Variants in XPR1 observed in about 807,000 individuals in gnomAD.
XPR1 encodes the protein xenotropic and polytropic retrovirus receptor 1, also known as solute carrier family 53 member 1.
In XPR1, 28 loss-of-function variants were observed where a neutral mutation model predicts 87.5. That is an observed-to-expected ratio of 0.32 (90% confidence interval 0.24 to 0.44). The LOEUF is 0.44. Ranked by LOEUF, XPR1 falls within the 20% of genes least tolerant of loss-of-function variation. The probability of loss-of-function intolerance (pLI) is 1.00; values close to 1 mark genes in which losing one functional copy is unlikely to be tolerated. For missense variants in XPR1, 559 were observed against 862.3 expected, an observed-to-expected ratio of 0.65 and a Z score of 4.41; for synonymous variants, 300 against 306.1, an observed-to-expected ratio of 0.98 and a Z score of 0.21.
intron 9 of XPR1, among the ~76,000 whole-genome samples, chr1:180,834,386 A>G (rs1361864101): frequency 6.6e-6 from 1 of 152,206 alleles, no homozygotes; most frequent in Non-Finnish European, 1.5e-5. Context: ...CCCTGTAATA[A>G]ATTTTTAAAG....
chr1:180,706,707 G>C (rs1657570019), intron 2 of XPR1, among the ~76,000 whole-genome samples: 1 of 151,974 alleles, frequency 6.6e-6, no homozygotes, highest in South Asian at 2.1e-4. Flanking sequence ...CGCCTTCCGA[G>C]TTCAAGCAAT....
intron 2 of XPR1, among the ~76,000 whole-genome samples, chr1:180,689,718 G>A (rs1656915293): frequency 6.6e-6 from 1 of 152,112 alleles, no homozygotes; most frequent in Admixed American, 6.6e-5. Flanking sequence ...TAATAATAAT[G>A]TATCATTATT....
At position 180,884,068 on chromosome 1, in the gene XPR1, T is replaced by A. The variant is rs1203976905; in HGVS notation, c.*2T>A. On this transcript the variant is annotated 3_prime_UTR_variant, in exon 15 of 15. Coordinates refer to ENST00000367590, the MANE Select transcript of XPR1 (RefSeq NM_004736.4). ...ACAGATGATGAAGCTAACACTTGAA[T>A]TTTCTGAAGTCTAGCTTAACATCTT... 6.2e-7 allele frequency: 1 copy of A among 1,613,742 alleles called. No individual in the cohort carries two copies. The highest frequency in any genetic ancestry group is 1.7e-5 in the Admixed American group (1 of 59,978).
chr1:180,649,363 G>A (rs368082226), intron 1 of XPR1, among the ~76,000 whole-genome samples: 6 of 152,196 alleles, frequency 3.9e-5, no homozygotes, highest in South Asian at 4.1e-4. Flanking sequence ...ACCCGGAGGC[G>A]GAGCTTGCAG....
At position 180,664,143 on chromosome 1, in the gene XPR1, T is replaced by G. The variant is rs563126822; in HGVS notation, c.70-18217T>G. On this transcript the variant is annotated intron_variant, in intron 1 of 14. Transcript: ENST00000367590. ...GTGCTCTTTCCTACTGTCGATGAGCTGGTACCTAAGCTCAAGACAAAGTTC... is the reference window on the plus strand; with the variant it reads ...GTGCTCTTTCCTACTGTCGATGAGCGGGTACCTAAGCTCAAGACAAAGTTC... Among the ~76,000 whole-genome samples the G allele has an allele frequency of 3.9e-5, 6 of 152,292 alleles. No individual in the cohort carries two copies. In the East Asian group the frequency reaches 1.2e-3, roughly 30 times the overall value.
chr1:180,672,865 T>G (rs1420995343), intron 1 of XPR1, among the ~76,000 whole-genome samples: 1 of 152,200 alleles, frequency 6.6e-6, no homozygotes, highest in Non-Finnish European at 1.5e-5. Flanking sequence ...TGTAATTTTA[T>G]TCAGTTGTGA....
chr1:180,690,364 A>G (rs1283472102), intron 2 of XPR1, among the ~76,000 whole-genome samples: 2 of 152,150 alleles, frequency 1.3e-5, no homozygotes, highest in Non-Finnish European at 2.9e-5. Context: ...ACTCTCATGG[A>G]GAGTCTTTTG....
intron 2 of XPR1, among the ~76,000 whole-genome samples, chr1:180,775,668 G>C (rs1254411688): frequency 6.6e-6 from 1 of 151,946 alleles, no homozygotes; most frequent in Non-Finnish European, 1.5e-5. Context: ...TATACTTTGT[G>C]GTATATAAAG....
At chr1:180,766,038 A>G (rs1200141835) in intron 2 of XPR1, among the ~76,000 whole-genome samples, 1 of 152,180 alleles carries the variant, frequency 6.6e-6, no homozygotes, top group Non-Finnish European at 1.5e-5. Flanking sequence ...CTTATAAGTT[A>G]TCATTAATGG....
At chr1:180,845,112 A>T (rs1028038157) in intron 11 of XPR1, among the ~76,000 whole-genome samples, 7 of 152,176 alleles carry the variant, frequency 4.6e-5, no homozygotes, top group African/African-American at 1.7e-4. Context: ...AAACATGAAA[A>T]ATTTTCCACT....
At chr1:180,804,247 A>G (rs1649903513) in intron 4 of XPR1, among the ~76,000 whole-genome samples, 1 of 152,214 alleles carries the variant, frequency 6.6e-6, no homozygotes, top group Non-Finnish European at 1.5e-5. Flanking sequence ...GAGTGCTGGG[A>G]TTACAGGCGT....
intron 2 of XPR1, among the ~76,000 whole-genome samples, chr1:180,736,730 A>T (rs1040926525): frequency 2.8e-4 from 42 of 152,340 alleles, no homozygotes; most frequent in Middle Eastern, 3.4e-3. Flanking sequence ...CACTTGTAAG[A>T]CATCTTGACC....
At chr1:180,686,338 T>C (rs2101950539) in intron 2 of XPR1, among the ~76,000 whole-genome samples, 1 of 152,362 alleles carries the variant, frequency 6.6e-6, no homozygotes, top group South Asian at 2.1e-4. Context: ...TTGATTGCAC[T>C]GTGGTCTGAG....
intron 10 of XPR1, among the ~76,000 whole-genome samples, chr1:180,835,548 C>T (rs1405088655): frequency 6.6e-6 from 1 of 151,880 alleles, no homozygotes; most frequent in African/African-American, 2.4e-5. Context: ...ATTTTGCCTT[C>T]ATGACAAAGA....
At chr1:180,829,718 G>T (rs1171879790) in intron 9 of XPR1, among the ~76,000 whole-genome samples, 1 of 152,046 alleles carries the variant, frequency 6.6e-6, no homozygotes, top group African/African-American at 2.4e-5. Context: ...ATGAATGACT[G>T]TAATTATATT....
At chr1:180,842,543 T>TC (rs1344036644) in intron 11 of XPR1, among the ~76,000 whole-genome samples, 1 of 152,240 alleles carries the variant, frequency 6.6e-6, no homozygotes, top group Non-Finnish European at 1.5e-5. Context: ...GTAGCCAGTC[T>TC]CCATATTTTA....
At chr1:180,734,903 G>A (rs1378946773) in intron 2 of XPR1, among the ~76,000 whole-genome samples, 1 of 152,146 alleles carries the variant, frequency 6.6e-6, no homozygotes, top group Non-Finnish European at 1.5e-5. Flanking sequence ...TGCCTTAGCA[G>A]CAAGGATGTC....
At chr1:180,639,137 A>G (rs1389206572) in intron 1 of XPR1, among the ~76,000 whole-genome samples, 1 of 152,160 alleles carries the variant, frequency 6.6e-6, no homozygotes, top group Non-Finnish European at 1.5e-5. Flanking sequence ...TTTCTACTAA[A>G]AATACAAAAA....
At chr1:180,757,628 C>T (rs114405188) in intron 2 of XPR1, among the ~76,000 whole-genome samples, 2,592 of 151,510 alleles carry the variant, frequency 0.017, 52 homozygotes, top group Non-Finnish European at 0.025. Flanking sequence ...GAGAGCCTTC[C>T]GCCTCAGCCT....
Sources: allele counts gnomAD v4.1 joint callset (sites outside exome capture counted in the v4.1 genomes callset), GRCh38; gene constraint gnomAD v4.1.1; transcripts MANE v1.5; gene names NCBI Gene and HGNC (gene_info 2026-07-23, HGNC 2026-07-21).